Variants in NKAIN3 observed in about 807,000 individuals in gnomAD.
NKAIN3 encodes the protein sodium/potassium transporting ATPase interacting 3.
A neutral mutation model predicts 30.2 loss-of-function variants in NKAIN3; 25 were observed. The ratio of observed to expected loss-of-function variants is 0.83; its 90% CI spans 0.60 to 1.16. The LOEUF (loss-of-function observed/expected upper bound fraction) is 1.16. NKAIN3 is among the 50% of genes most tolerant of loss of function. NKAIN3 has a pLI of 0.00. For synonymous variants in NKAIN3, 91 were observed against 89.6 expected (o/e 1.02, Z -0.09); for missense variants, 225 against 254.1 (o/e 0.89, Z 0.78).
rs538605026 is a variant in NKAIN3, at chr8:62,350,894, T to C, written c.54+101767T>C. Among the ~76,000 whole-genome samples, 146 of 151,744 alleles carry C rather than the reference T, an allele frequency of 9.6e-4. 2 individuals carry two copies. The highest frequency in any genetic ancestry group is 3.4e-3 in the African/African-American group (139 of 41,378). On this transcript the variant is annotated intron_variant, in intron 1 of 6. Transcript: ENST00000623646. ...TAATAGATATAGGGTTTCACCATGT[T>C]GGACAGGCTGGTCTCGAACTCCTGA...
At chr8:62,273,692 A>G (rs551701105) in intron 1 of NKAIN3, among the ~76,000 whole-genome samples, 4 of 152,190 alleles carry the variant, frequency 2.6e-5, no homozygotes, top group Non-Finnish European at 5.9e-5. Context: ...TTAGGAAATC[A>G]TCTGTTTACT....
intron 1 of NKAIN3, among the ~76,000 whole-genome samples, chr8:62,500,062 G>A (rs1342709134): frequency 6.6e-6 from 1 of 152,120 alleles, no homozygotes; most frequent in Non-Finnish European, 1.5e-5. Context: ...GTCTGAGCAT[G>A]AGTACCGCTT....
chr8:62,594,168 G>A, intron 3 of NKAIN3, among the ~76,000 whole-genome samples: 1 of 151,876 alleles, frequency 6.6e-6, no homozygotes, highest in East Asian at 1.9e-4. Context: ...TCCTTGCTCA[G>A]GATCAATCTA....
intron 1 of NKAIN3, among the ~76,000 whole-genome samples, chr8:62,442,693 G>A (rs1211114276): frequency 1.3e-5 from 2 of 150,852 alleles, no homozygotes; most frequent in East Asian, 3.9e-4. Context: ...TTCCTCTTGT[G>A]GTCTGATAGA....
At chr8:62,920,543 A>G (rs1822248351) in intron 5 of NKAIN3, among the ~76,000 whole-genome samples, 1 of 152,208 alleles carries the variant, frequency 6.6e-6, no homozygotes, top group African/African-American at 2.4e-5. Flanking sequence ...TTCAGTGTAT[A>G]TAAATTGTAT....
chr8:62,802,553 C>T (rs1254598092), intron 4 of NKAIN3, among the ~76,000 whole-genome samples: 2 of 152,198 alleles, frequency 1.3e-5, no homozygotes, highest in East Asian at 3.9e-4. Context: ...ACTTTACAGA[C>T]AAGCAAATGT....
intron 1 of NKAIN3, among the ~76,000 whole-genome samples, chr8:62,514,933 A>G (rs1375408945): frequency 1.3e-5 from 2 of 152,144 alleles, no homozygotes; most frequent in South Asian, 2.1e-4. Flanking sequence ...AAAAGTATCT[A>G]TAATGATATA....
At chr8:62,581,420 T>C (rs76317950) in intron 2 of NKAIN3, among the ~76,000 whole-genome samples, 1,537 of 152,332 alleles carry the variant, frequency 0.01, 28 homozygotes, top group African/African-American at 0.034. Flanking sequence ...TTCCAGAGAA[T>C]GAAGCTATAG....
chr8:62,815,363 C>G (rs112139694), intron 4 of NKAIN3, among the ~76,000 whole-genome samples: 26,265 of 151,966 alleles, frequency 0.17, 2,417 homozygotes, highest in East Asian at 0.28. Context: ...CTCCCTAACT[C>G]ATTTTATGAG....
At chr8:62,740,705 G>A (rs576449020) in intron 3 of NKAIN3, among the ~76,000 whole-genome samples, 1 of 152,000 alleles carries the variant, frequency 6.6e-6, no homozygotes, top group South Asian at 2.1e-4. Context: ...AATAAAATGT[G>A]TGCAGGCATA....
At chr8:62,956,799 C>T (rs1178052908) in intron 6 of NKAIN3, among the ~76,000 whole-genome samples, 1 of 152,108 alleles carries the variant, frequency 6.6e-6, no homozygotes, top group Non-Finnish European at 1.5e-5. Flanking sequence ...AGATTTGACC[C>T]TTAGCAGCCA....
intron 3 of NKAIN3, among the ~76,000 whole-genome samples, chr8:62,701,524 G>A (rs1053744523): frequency 1.2e-4 from 19 of 152,192 alleles, no homozygotes; most frequent in Admixed American, 4.6e-4. Flanking sequence ...GCAGGCCAGT[G>A]ACTAACGATC....
chr8:62,942,133 A>C (rs1411780906), intron 5 of NKAIN3, among the ~76,000 whole-genome samples: 1 of 150,910 alleles, frequency 6.6e-6, no homozygotes, highest in Non-Finnish European at 1.5e-5. Context: ...CAAAGCTGTG[A>C]ATCAAATAAG....
intron 5 of NKAIN3, among the ~76,000 whole-genome samples, chr8:62,950,643 G>A (rs1400573352): frequency 1.3e-5 from 2 of 151,820 alleles, no homozygotes; most frequent in Non-Finnish European, 2.9e-5. Context: ...AAAGAAAGAA[G>A]AAAACAAATA....
At chr8:62,405,864 C>A (rs1804049734) in intron 1 of NKAIN3, among the ~76,000 whole-genome samples, 1 of 152,166 alleles carries the variant, frequency 6.6e-6, no homozygotes, top group Admixed American at 6.5e-5. Flanking sequence ...CTTCATGAGC[C>A]ATTCTCATTT....
intron 4 of NKAIN3, among the ~76,000 whole-genome samples, chr8:62,764,001 T>C (rs758390005): frequency 6.6e-6 from 1 of 152,218 alleles, no homozygotes. Context: ...GGGGAGGTTA[T>C]ATCAGGCTGG....
At chr8:62,958,685 A>G (rs1423840550) in intron 6 of NKAIN3, among the ~76,000 whole-genome samples, 1 of 152,242 alleles carries the variant, frequency 6.6e-6, no homozygotes, top group Non-Finnish European at 1.5e-5. Flanking sequence ...TCAAAGAGAT[A>G]TGGAATTTCA....
intron 1 of NKAIN3, among the ~76,000 whole-genome samples, chr8:62,381,296 T>C (rs1367368356): frequency 6.6e-6 from 1 of 152,152 alleles, no homozygotes; most frequent in African/African-American, 2.4e-5. Flanking sequence ...ATCAGTTTTC[T>C]TCACCATTCA....
At chr8:62,842,142 C>A (rs185713922) in intron 4 of NKAIN3, among the ~76,000 whole-genome samples, 1 of 151,932 alleles carries the variant, frequency 6.6e-6, no homozygotes. Flanking sequence ...ACTTTTAAAT[C>A]GGTTTATTTG....
Sources: allele counts gnomAD v4.1 joint callset (sites outside exome capture counted in the v4.1 genomes callset), GRCh38; gene constraint gnomAD v4.1.1; transcripts MANE v1.5; gene names NCBI Gene and HGNC (gene_info 2026-07-23, HGNC 2026-07-21).